COG6: variants seen among roughly 807,000 people sequenced by gnomAD.
The protein encoded by COG6 is conserved oligomeric Golgi complex subunit 6.
Under a neutral mutation model 88.8 loss-of-function variants are expected in COG6, and 74 were observed. That is an observed-to-expected ratio of 0.83 (90% CI 0.69 to 1.01). The LOEUF (loss-of-function observed/expected upper bound fraction) is 1.01, where lower values mean the gene tolerates loss of function less well. Among genes scored for constraint, COG6 ranks in the 50% least tolerant of loss-of-function variants. The probability of loss-of-function intolerance (pLI) is 0.00; values close to 1 mark genes in which losing one functional copy is unlikely to be tolerated. For synonymous variants in COG6, 286 were observed against 278.7 expected (o/e 1.03, Z -0.26); for missense variants, 800 against 797.9 (o/e 1.00, Z -0.03).
chr13:39,737,877 C>A (rs1296427992), intron 18 of COG6, among the ~76,000 whole-genome samples: 2 of 152,116 alleles, frequency 1.3e-5, no homozygotes, highest in Non-Finnish European at 2.9e-5. Context: ...GGTCTAAATG[C>A]TCCCTCTGTG....
rs1453552906 is a variant in COG6, at chr13:39,750,999, T to C, written c.1880T>C (p.Val627Ala). Reference sequence around the variant, plus strand: ...TTAGTCTGCAGAGCCTATGGTGAAGTGTATGCAGCCGTGATGAATCCAATC... The same window carrying C: ...TTAGTCTGCAGAGCCTATGGTGAAGCGTATGCAGCCGTGATGAATCCAATC... ...TELVCRAYGE[V>A]YAAVMNPINE... Residue 627 changes from valine to alanine, a missense_variant, in exon 19 of 19, where the codon GTG becomes GCG. Physicochemically the swap from Val to Ala is moderately conservative, Grantham distance 64. Coordinates refer to ENST00000455146, the MANE Select transcript of COG6 (RefSeq NM_020751.3). 1 of 1,613,652 alleles carries C rather than the reference T, an allele frequency of 6.2e-7. No individual in the cohort carries two copies. The highest frequency in any genetic ancestry group is 1.3e-5 in the African/African-American group (1 of 75,034).
At chr13:39,678,500 A>G (rs948747418) in intron 5 of COG6, among the ~76,000 whole-genome samples, 4 of 152,052 alleles carry the variant, frequency 2.6e-5, no homozygotes, top group African/African-American at 9.6e-5. Context: ...AAGCTATTCC[A>G]TTTTTTCCAA....
At chr13:39,683,087 C>G (rs1876414110) in intron 8 of COG6, among the ~76,000 whole-genome samples, 1 of 152,134 alleles carries the variant, frequency 6.6e-6, no homozygotes, top group Non-Finnish European at 1.5e-5. Flanking sequence ...AAATGCTGAA[C>G]AGCTGTGTAA....
Position 39,724,483 on chromosome 13 carries a change from CTTTTT to C in COG6, c.1693-11_1693-7del. On this transcript the variant is annotated intron_variant, in intron 16 of 18. Transcript: ENST00000455146. ...TCTCCTTTTTTACATCTTGGATCTG[CTTTTT>C]TTTTTTTTTTTTTAAATAGGGCTCT... 43 of 1,283,072 alleles carry C rather than the reference CTTTTT, an allele frequency of 3.4e-5. No individual in the cohort carries two copies. The highest frequency in any genetic ancestry group is 4.4e-5 in the Non-Finnish European group (41 of 926,796). 79.5% of individuals were successfully genotyped at this position (1,283,072 alleles called of 1,614,324 possible).
In COG6 at chr13:39,751,040, C is replaced by A. The variant is rs1359411974; in HGVS notation, c.1921C>A (p.Pro641Thr). Residue 641 changes from proline (P) to threonine (T), a missense_variant, in exon 19 of 19, where the codon CCA becomes ACA. Physicochemically the swap from Pro to Thr is conservative, Grantham distance 38 (BLOSUM62 -1). Coordinates refer to ENST00000455146, the MANE Select transcript of COG6 (RefSeq NM_020751.3). ...GAATCCAATCAATGAATACAAAGAT[C>A]CAGAGAACATTCTTCACCGATCGCC... ...VMNPINEYKDPENILHRSPQQ... is the reference protein window; with the variant it reads ...VMNPINEYKDTENILHRSPQQ... 9 of 1,613,644 alleles carry A rather than the reference C, an allele frequency of 5.6e-6. No individual in the cohort carries two copies. Among genetic ancestry groups the A allele is most frequent in the Non-Finnish European group, 6.8e-6 (8 of 1,179,736 alleles).
chr13:39,687,437 G>C, intron 8 of COG6, 66 bp from the exon 9 acceptor site: 1 of 1,426,984 alleles, frequency 7.0e-7, no homozygotes, highest in Non-Finnish European at 9.9e-7. Flanking sequence ...CAGAAATTGC[G>C]TGAATAGTCT....
chr13:39,655,647 T>G, upstream of COG6: 4 of 1,496,704 alleles, frequency 2.7e-6, no homozygotes, highest in Non-Finnish European at 3.6e-6. Flanking sequence ...CGCGGCCGAT[T>G]TGCACATGCG....
intron 18 of COG6, among the ~76,000 whole-genome samples, chr13:39,777,626 C>CT (rs1235918521): frequency 6.6e-6 from 1 of 152,192 alleles, no homozygotes; most frequent in Admixed American, 6.5e-5. Flanking sequence ...AGACTGGCAT[C>CT]TTTCCTGGTG....
intron 18 of COG6, among the ~76,000 whole-genome samples, chr13:39,767,786 A>C (rs558315352): frequency 6.6e-6 from 1 of 152,356 alleles, no homozygotes; most frequent in South Asian, 2.1e-4. Flanking sequence ...ATCTGCCACG[A>C]AGGCAACTAG....
intron 18 of COG6, among the ~76,000 whole-genome samples, chr13:39,735,943 T>C (rs754190319): frequency 7.9e-5 from 12 of 152,134 alleles, no homozygotes; most frequent in Admixed American, 6.6e-5. Flanking sequence ...TTCTTTTTCT[T>C]TGGCCTTTGG....
intron 18 of COG6, among the ~76,000 whole-genome samples, chr13:39,738,014 A>G (rs990550554): frequency 1.3e-5 from 2 of 152,132 alleles, no homozygotes; most frequent in Non-Finnish European, 2.9e-5. Context: ...TCTCCGCGCC[A>G]TGCTGCCAGT....
chr13:39,755,706 T>TG (rs34292794), downstream of COG6, among the ~76,000 whole-genome samples: 74,948 of 151,942 alleles, frequency 0.49, 19,005 homozygotes, highest in South Asian at 0.68. Context: ...AAGCAGGGAA[T>TG]GAAGGCAGAA....
At chr13:39,782,309 A>C (rs1190582807) in intron 18 of COG6, among the ~76,000 whole-genome samples, 1 of 152,236 alleles carries the variant, frequency 6.6e-6, no homozygotes, top group African/African-American at 2.4e-5. Flanking sequence ...AAACTATGAA[A>C]TAATCATTTC....
intron 12 of COG6, among the ~76,000 whole-genome samples, chr13:39,698,160 A>G (rs1236621145): frequency 6.7e-6 from 1 of 149,986 alleles, no homozygotes; most frequent in South Asian, 2.1e-4. Flanking sequence ...ACTGCAAAGT[A>G]CAGCTGATAA....
At chr13:39,665,955 T>C (rs1382536252) in intron 4 of COG6, among the ~76,000 whole-genome samples, 1 of 152,234 alleles carries the variant, frequency 6.6e-6, no homozygotes, top group Non-Finnish European at 1.5e-5. Context: ...AATGCAGCTT[T>C]ATTGGAACAC....
At chr13:39,718,920 A>G (rs546445263) in intron 13 of COG6, among the ~76,000 whole-genome samples, 11 of 152,258 alleles carry the variant, frequency 7.2e-5, no homozygotes, top group African/African-American at 1.7e-4. Context: ...TTTGGGCTAA[A>G]AAATAAAACA....
chr13:39,742,750 A>G (rs1042899830), intron 18 of COG6, among the ~76,000 whole-genome samples: 2 of 152,178 alleles, frequency 1.3e-5, no homozygotes, highest in African/African-American at 4.8e-5. Context: ...TACAGCAAGC[A>G]GACCTAATAG....
chr13:39,716,930 T>C (rs1878559920), intron 13 of COG6, among the ~76,000 whole-genome samples: 1 of 152,220 alleles, frequency 6.6e-6, no homozygotes, highest in Admixed American at 6.5e-5. Context: ...GTTATCTTTG[T>C]TGGAGTCTTG....
chr13:39,762,160 C>T (rs559523769), intron 18 of COG6, among the ~76,000 whole-genome samples: 85 of 152,012 alleles, frequency 5.6e-4, no homozygotes, highest in South Asian at 8.3e-4. Context: ...GGCATATATA[C>T]GCAGTGGAAT....
Sources: gnomAD v4.1 joint callset for allele counts (sites outside exome capture counted in the v4.1 genomes callset) on GRCh38, gnomAD v4.1.1 for gene constraint, MANE v1.5 for transcripts, NCBI Gene and HGNC (gene_info 2026-07-23, HGNC 2026-07-21) for gene names.